The following JAK3 variants were observed in gnomAD, a reference collection of about 807,000 sequenced individuals.
The protein encoded by JAK3 is Janus kinase 3, also known as tyrosine-protein kinase JAK3.
JAK3 carries 88 observed loss-of-function variants against 120.8 expected under a neutral mutation model. The observed-to-expected ratio is 0.73, with a 90% confidence interval of 0.61 to 0.87. JAK3 has a LOEUF of 0.87. Among genes scored for constraint, JAK3 ranks in the 40% least tolerant of loss-of-function variants. The pLI is 0.00. For synonymous variants in JAK3, 592 were observed against 628.6 expected, an observed-to-expected ratio of 0.94 and a Z score of 0.87; for missense variants, 1,254 against 1,501.4, an observed-to-expected ratio of 0.84 and a Z score of 2.72.
chr19:17,826,516 A>G lies in JAK3; in HGVS notation c.*227T>C. 2.2e-6 allele frequency: 1 copy of G among 457,600 alleles called. No homozygotes were observed. The highest frequency in any genetic ancestry group is 3.9e-6 in the Non-Finnish European group (1 of 255,202). 28.3% of individuals were successfully genotyped at this position (457,600 alleles called of 1,614,324 possible). ...TCCTTGCTTCTTTGGGCCAGGACTCAGAGAGCCCCACTGACACATATGCCC... is the reference window on the plus strand; with the variant it reads ...TCCTTGCTTCTTTGGGCCAGGACTCGGAGAGCCCCACTGACACATATGCCC... On this transcript the variant is annotated 3_prime_UTR_variant, in exon 24 of 24. Coordinates refer to ENST00000458235, the MANE Select transcript of JAK3 (RefSeq NM_000215.4).
intron 2 of JAK3, 132 bp downstream of exon 2, chr19:17,844,102 A>T: frequency 8.3e-7 from 1 of 1,198,344 alleles, no homozygotes; most frequent in Non-Finnish European, 1.2e-6. Flanking sequence ...CTTCTCCATT[A>T]CAAAACTCCT....
chr19:17,840,331 C>A lies in JAK3; in HGVS notation c.1153G>T (p.Ala385Ser), dbSNP rs968177323. The change falls in exon 9 of 24, where the codon GCC becomes TCC. Residue 385 changes from alanine to serine, a missense_variant. Transcript: ENST00000458235. ...QCHGPITLDF[A>S]INKLKTGGSR... ...CCCCCAGTCTTGAGCTTGTTGATGG[C>A]AAAGTCCAGACTGTGGGGGAAGGTG... is the stretch of plus-strand genomic sequence containing the variant. 9 of 1,612,268 alleles carry A rather than the reference C, an allele frequency of 5.6e-6. No individual in the cohort carries two copies. Among genetic ancestry groups the A allele is most frequent in the Non-Finnish European group, 7.6e-6 (9 of 1,178,700 alleles).
At chr19:17,834,434 T>A in intron 17 of JAK3, 137 bp downstream of exon 17, 1 of 830,196 alleles carries the variant, frequency 1.2e-6, no homozygotes. Context: ...CTGTTGAAGC[T>A]CACACTGACT....
At chr19:17,846,732 G>A (rs1314207834) in intron 1 of JAK3, among the ~76,000 whole-genome samples, 2 of 151,834 alleles carry the variant, frequency 1.3e-5, no homozygotes, top group Non-Finnish European at 1.5e-5. Context: ...TTACAGGCGC[G>A]CACCACAGCG....
rs1203084402 is a variant in JAK3, at chr19:17,831,253, C to T, written c.2953G>A (p.Glu985Lys). Residue 985 changes from glutamate to lysine, a missense_variant, in exon 21 of 24, where the codon GAG becomes AAG. Physicochemically the swap from Glu to Lys is moderately conservative, Grantham distance 56. Transcript: ENST00000458235. The surrounding 1 kb of genome is among the most constrained non-coding windows in gnomAD (Gnocchi z 5.1). ...CAGAAAATGGGGCTCTGGCCTGGCT[C>T]GCGGACCACGTAGTAGTCTTTGTCA... is the stretch of plus-strand genomic sequence containing the variant. ...PLDKDYYVVREPGQSPIFWYA... is the reference protein window; with the variant it reads ...PLDKDYYVVRKPGQSPIFWYA... The T allele has an allele frequency of 1.2e-6, 2 of 1,612,252 alleles. No homozygotes were observed.
At chr19:17,844,163 T>C in intron 2 of JAK3, 71 bp downstream of exon 2, 1 of 1,462,968 alleles carries the variant, frequency 6.8e-7, no homozygotes, top group Non-Finnish European at 9.3e-7. Context: ...AGGCAACTAT[T>C]CCAGCTTCCA....
In JAK3 at chr19:17,824,983, G is replaced by A. The variant is rs2094201537; in HGVS notation, c.*1760C>T. ...GGGGGTATATGAGGGAAGGCTGCAAGGATGTGGTAGCTGGAGTTTTGAGAG... is the reference window on the plus strand; with the variant it reads ...GGGGGTATATGAGGGAAGGCTGCAAAGATGTGGTAGCTGGAGTTTTGAGAG... On this transcript the variant is annotated 3_prime_UTR_variant, in exon 24 of 24. Coordinates refer to ENST00000458235, the MANE Select transcript of JAK3 (RefSeq NM_000215.4). The A allele has an allele frequency of 9.0e-6, 2 of 222,418 alleles. No individual in the cohort carries two copies. Among genetic ancestry groups the A allele is most frequent in the Admixed American group, 1.1e-4 (2 of 17,400 alleles). The allele number at this position is 222,418 out of a possible 1,614,324, so 13.8% of individuals were successfully genotyped here.
intron 1 of JAK3, among the ~76,000 whole-genome samples, chr19:17,847,661 C>T (rs1487522867): frequency 3.3e-5 from 5 of 152,150 alleles, no homozygotes; most frequent in Non-Finnish European, 7.4e-5. Flanking sequence ...CTTCCCAATC[C>T]CTCCTCCCCA....
rs1359401060 is a variant in JAK3, at chr19:17,843,458, C to G, written c.342G>C (p.Lys114Asn). The change falls in exon 4 of 24, where the codon AAG (lysine) becomes AAC (asparagine). Residue 114 changes from lysine (K) to asparagine (N), a missense_variant. Physicochemically the swap from Lys to Asn is moderately conservative, Grantham distance 94. Around this residue, in one of 3 missense-constraint regions of JAK3, gnomAD observed 138 missense variants for 178.7 expected, o/e 0.77. Transcript: ENST00000458235. The surrounding 1 kb of genome is among the most constrained non-coding windows in gnomAD (Gnocchi z 5.4). ...CCTTGCGTAGCCCGAAGCGGTGGCA[C>G]TTCTCCAGCCCAAACCAATTGGGGA... ...FYFPNWFGLEKCHRFGLRKDL... is the reference protein window; with the variant it reads ...FYFPNWFGLENCHRFGLRKDL... The G allele has an allele frequency of 6.3e-7, 1 of 1,599,694 alleles. No homozygotes were observed. Among genetic ancestry groups the G allele is most frequent in the East Asian group, 2.3e-5 (1 of 44,238 alleles).
At chr19:17,830,426 G>A (rs2094211670) in intron 22 of JAK3, 77 bp downstream of exon 22, 1 of 1,195,954 alleles carries the variant, frequency 8.4e-7, no homozygotes, top group Non-Finnish European at 1.2e-6. Context: ...GAGGGACGCA[G>A]GCGCAGACAG....
chr19:17,841,412 G>T lies in JAK3; in HGVS notation c.1119C>A (p.Ala373=). Residue 373 remains alanine, a synonymous_variant, in exon 8 of 24, where the codon GCC becomes GCA. Coordinates refer to ENST00000458235, the MANE Select transcript of JAK3 (RefSeq NM_000215.4). This position sits in a 1 kb window ranked among gnomAD's most constrained non-coding sequence, Gnocchi z 4.1. ...VAPPRLLEEV[A]EQCHGPITLD... Reference sequence around the variant, plus strand: ...ACGTGATGGGGCCGTGGCACTGCTCGGCCACTTCCTCCAGCAGCCTCGGCG... The same window carrying T: ...ACGTGATGGGGCCGTGGCACTGCTCTGCCACTTCCTCCAGCAGCCTCGGCG... 1 of 1,552,512 alleles carries T rather than the reference G, an allele frequency of 6.4e-7. No individual in the cohort carries two copies. The highest frequency in any genetic ancestry group is 8.7e-7 in the Non-Finnish European group (1 of 1,148,610).
In JAK3 at chr19:17,832,480, C is replaced by G. The variant is rs1322950083; in HGVS notation, c.2680+39G>C. 1 of 1,603,912 alleles carries G rather than the reference C, an allele frequency of 6.2e-7. No homozygotes were observed. Among genetic ancestry groups the G allele is most frequent in the African/African-American group, 1.3e-5 (1 of 74,684 alleles). ...GTAAGAATGTGCACTTTGAAAAGCA[C>G]CCATACGTCTTGGTTCACTCATCCG... On this transcript the variant is annotated intron_variant, in intron 19 of 23. Coordinates refer to ENST00000458235, the MANE Select transcript of JAK3 (RefSeq NM_000215.4). The surrounding 1 kb of genome is among the most constrained non-coding windows in gnomAD (Gnocchi z 4.7).
chr19:17,844,303 G>T lies in JAK3; in HGVS notation c.115C>A (p.Gln39Lys). The T allele has an allele frequency of 6.2e-7, 1 of 1,606,776 alleles. No individual in the cohort carries two copies. Among genetic ancestry groups the T allele is most frequent in the East Asian group, 2.2e-5 (1 of 44,668 alleles). ...LLPARGPGPP[Q>K]RLSFSFGDHL... is the part of the protein sequence containing the mutation. ...TCCCCAAAGGAGAAAGATAGGCGCT[G>T]GGGGGGCCCGGGGCCCCGAGCGGGC... The change falls in exon 2 of 24, where the codon CAG becomes AAG. Residue 39 changes from glutamine (Q) to lysine (K), a missense_variant. Gln to Lys is a moderately conservative substitution (Grantham distance 53). This residue lies in a region of JAK3 where 138 missense variants were observed against 178.7 expected (regional missense o/e 0.77). Coordinates refer to ENST00000458235, the MANE Select transcript of JAK3 (RefSeq NM_000215.4).
In JAK3 at chr19:17,826,753, G is replaced by T. The variant is rs2094204639; in HGVS notation, c.3365C>A (p.Ser1122Tyr). ...GTCTGCGGGCAGGAGCTATGAAAAG[G>T]ACAGGGAGTGGTGTTTGCCCTCTGG... ...AHPEGKHHSL[S>Y]FS Residue 1122 changes from serine to tyrosine, a missense_variant, in exon 24 of 24, where the codon TCC (serine) becomes TAC (tyrosine). Ser to Tyr is a moderately radical substitution (Grantham distance 144). Coordinates refer to ENST00000458235, the MANE Select transcript of JAK3 (RefSeq NM_000215.4). 2.5e-6 allele frequency: 4 copies of T among 1,613,994 alleles called. No individual in the cohort carries two copies. The highest frequency in any genetic ancestry group is 3.4e-6 in the Non-Finnish European group (4 of 1,179,968).
At position 17,842,742 on chromosome 19, in the gene JAK3, C is replaced by G; in HGVS notation, c.567-132G>C. 9.9e-7 allele frequency: 1 copy of G among 1,014,120 alleles called. No homozygotes were observed. Among genetic ancestry groups the G allele is most frequent in the Non-Finnish European group, 1.4e-6 (1 of 708,016 alleles). 62.8% of individuals were successfully genotyped at this position (1,014,120 alleles called of 1,614,324 possible). A position where few individuals can be genotyped will look rare whatever the true frequency, so the allele number is the denominator to read the frequency against. On this transcript the variant is annotated intron_variant, in intron 5 of 23. Coordinates refer to ENST00000458235, the MANE Select transcript of JAK3 (RefSeq NM_000215.4). The surrounding 1 kb of genome is among the most constrained non-coding windows in gnomAD (Gnocchi z 6.4). ...TTGGGGCACCAGGCACACACAGACT[C>G]TCATTCAGGGTCAGGTATGAGGACC...
At position 17,842,984 on chromosome 19, in the gene JAK3, C is replaced by G. The variant is rs747995117; in HGVS notation, c.566+43G>C. 1.2e-6 allele frequency: 2 copies of G among 1,606,252 alleles called. No homozygotes were observed. Among genetic ancestry groups the G allele is most frequent in the South Asian group, 2.2e-5 (2 of 91,036 alleles). ...AAGCCCCGATGGAGCCCACGTTGCT[C>G]ACTCCCAAGCAGAGGCCGTCCCCAC... is the stretch of plus-strand genomic sequence containing the variant. On this transcript the variant is annotated intron_variant, in intron 5 of 23. Transcript: ENST00000458235. The surrounding 1 kb of genome is among the most constrained non-coding windows in gnomAD (Gnocchi z 6.4).
intron 12 of JAK3, among the ~76,000 whole-genome samples, chr19:17,837,573 G>A (rs2094227304): frequency 1.3e-5 from 2 of 151,934 alleles, no homozygotes; most frequent in Admixed American, 6.6e-5. Flanking sequence ...GCACCACCAC[G>A]CCCGGCTAAT....
Position 17,837,131 on chromosome 19 carries a change from T to C in JAK3, c.1784A>G (p.Asp595Gly). ...VLLHGVCMAG[D>G]STMVQEFVHL... ...GTGGGTGGGTGGGGGGCTCTCACTG[T>C]CTCCAGCCATGCACACGCCGTGGAG... The change falls in exon 13 of 24, where the codon GAC (aspartate) becomes GGC (glycine). Residue 595 changes from aspartate to glycine, a missense_variant and splice_region_variant. Around this residue, in one of 3 missense-constraint regions of JAK3, gnomAD observed 630 missense variants for 819.8 expected, o/e 0.77. Coordinates refer to ENST00000458235, the MANE Select transcript of JAK3 (RefSeq NM_000215.4). 6.5e-7 allele frequency: 1 copy of C among 1,549,650 alleles called. No homozygotes were observed. The highest frequency in any genetic ancestry group is 8.7e-7 in the Non-Finnish European group (1 of 1,147,084).
Position 17,831,857 on chromosome 19 carries a change from C to A in JAK3, c.2681-59G>T. On this transcript the variant is annotated intron_variant, in intron 19 of 23. Coordinates refer to ENST00000458235, the MANE Select transcript of JAK3 (RefSeq NM_000215.4). The surrounding 1 kb of genome is among the most constrained non-coding windows in gnomAD (Gnocchi z 5.1). The stretch of plus-strand genomic sequence containing the variant: ...AGCCCTGCTCGTCCCCCCATTCTTC[C>A]CCCCTTTCACAGTGGGACCTTGTGT... The A allele has an allele frequency of 6.2e-7, 1 of 1,602,762 alleles. No homozygotes were observed. The highest frequency in any genetic ancestry group is 1.1e-5 in the South Asian group (1 of 90,604).
Sources: allele counts gnomAD v4.1 joint callset (sites outside exome capture counted in the v4.1 genomes callset), GRCh38; gene constraint gnomAD v4.1.1; regional missense constraint gnomAD v4.1.1; non-coding constraint Gnocchi (gnomAD v3.1); transcripts MANE v1.5; gene names NCBI Gene and HGNC (gene_info 2026-07-23, HGNC 2026-07-21).